The following TEAD1 variants were observed in gnomAD, a reference collection of about 807,000 sequenced individuals.
TEAD1 encodes the protein TEA domain transcription factor 1.
TEAD1 carries 9 observed loss-of-function variants against 54.9 expected under a neutral mutation model. The ratio of observed to expected loss-of-function variants is 0.16; its 90% CI spans 0.10 to 0.29. TEAD1 has a LOEUF of 0.29. TEAD1 is among the 10% of genes least tolerant of loss of function. The probability of loss-of-function intolerance (pLI) is 1.00; values close to 1 mark genes in which losing one functional copy is unlikely to be tolerated. For synonymous variants in TEAD1, 200 were observed against 187.8 expected, an observed-to-expected ratio of 1.07 and a Z score of -0.53; for missense variants, 387 against 535.9, an observed-to-expected ratio of 0.72 and a Z score of 2.74.
intron 2 of TEAD1, among the ~76,000 whole-genome samples, chr11:12,680,329 G>A (rs896130499): frequency 6.6e-6 from 1 of 152,218 alleles, no homozygotes; most frequent in Admixed American, 6.5e-5. Context: ...ACTTAGATGG[G>A]CCTTCCGACT....
intron 3 of TEAD1, among the ~76,000 whole-genome samples, chr11:12,781,972 GAAAGAAAA>G (rs1945559492): frequency 1.9e-5 from 2 of 106,496 alleles, no homozygotes; most frequent in South Asian, 3.0e-4. Flanking sequence ...AAAAAAAAAA[GAAAGAAAA>G]AAAGAAAAAG....
intron 2 of TEAD1, among the ~76,000 whole-genome samples, chr11:12,731,460 A>G (rs1053564672): frequency 3.3e-5 from 5 of 152,132 alleles, no homozygotes; most frequent in Non-Finnish European, 7.4e-5. Context: ...TGTTTTTTTA[A>G]AAAACTAAAT....
chr11:12,769,265 T>A (rs1250682645), intron 3 of TEAD1, among the ~76,000 whole-genome samples: 1 of 152,168 alleles, frequency 6.6e-6, no homozygotes, highest in Non-Finnish European at 1.5e-5. Flanking sequence ...CCTCCCCCGC[T>A]GCTGACCTGT....
intron 3 of TEAD1, among the ~76,000 whole-genome samples, chr11:12,776,804 T>G (rs1373762777): frequency 1.4e-5 from 2 of 140,422 alleles, no homozygotes; most frequent in South Asian, 2.2e-4. Flanking sequence ...TTATTATCAT[T>G]ATTATTATTT....
At chr11:12,692,898 C>G (rs1440659567) in intron 2 of TEAD1, among the ~76,000 whole-genome samples, 1 of 152,192 alleles carries the variant, frequency 6.6e-6, no homozygotes, top group African/African-American at 2.4e-5. Context: ...ACTGCTTCCT[C>G]CACCCCCACC....
intron 2 of TEAD1, among the ~76,000 whole-genome samples, chr11:12,731,364 A>G (rs1944421295): frequency 6.6e-6 from 1 of 152,218 alleles, no homozygotes; most frequent in South Asian, 2.1e-4. Context: ...CACCACTCAT[A>G]GATTATTAGT....
intron 9 of TEAD1, among the ~76,000 whole-genome samples, chr11:12,887,976 C>T (rs1589961176): frequency 6.6e-6 from 1 of 152,126 alleles, no homozygotes; most frequent in South Asian, 2.1e-4. Flanking sequence ...GCTCATTAGA[C>T]CCAAGGGGTT....
chr11:12,884,212 C>T (rs1476850759), intron 9 of TEAD1, among the ~76,000 whole-genome samples: 3 of 152,116 alleles, frequency 2.0e-5, no homozygotes, highest in Non-Finnish European at 4.4e-5. Flanking sequence ...TTCTTTCCCA[C>T]CCAACAAGCC....
intron 2 of TEAD1, among the ~76,000 whole-genome samples, chr11:12,696,292 G>A (rs1943581308): frequency 1.3e-5 from 2 of 152,210 alleles, no homozygotes; most frequent in Admixed American, 6.5e-5. Context: ...TTGGATCAAA[G>A]TGGGGCTATC....
rs753584199 is a variant in TEAD1 at position 12,879,700 on chromosome 11, C to T, written c.331-8C>T. 11 of 1,614,102 alleles carry T rather than the reference C, an allele frequency of 6.8e-6. No homozygotes were observed. Among genetic ancestry groups the T allele is most frequent in the East Asian group, 2.2e-5 (1 of 44,900 alleles). Reference sequence around the variant, plus strand: ...GTATTAAGTTGGTGTGTCACTGTCACCTTCAAGGATCAGACTGCAAAGGAT... The same window carrying T: ...GTATTAAGTTGGTGTGTCACTGTCATCTTCAAGGATCAGACTGCAAAGGAT... On this transcript the variant is annotated splice_polypyrimidine_tract_variant and splice_region_variant and intron_variant, in intron 5 of 12. Transcript: ENST00000527636.
At chr11:12,743,561 A>G (rs923632314) in intron 2 of TEAD1, among the ~76,000 whole-genome samples, 4 of 152,226 alleles carry the variant, frequency 2.6e-5, no homozygotes, top group Non-Finnish European at 5.9e-5. Context: ...TTTGTAGAGA[A>G]TAACTTAGCA....
intron 3 of TEAD1, among the ~76,000 whole-genome samples, chr11:12,854,857 A>G (rs1454552924): frequency 6.6e-6 from 1 of 151,690 alleles, no homozygotes; most frequent in African/African-American, 2.4e-5. Context: ...CAGCCTCCCA[A>G]AGTGCTTGGA....
In TEAD1 at chr11:12,818,004, A is replaced by G. The variant is rs549223846; in HGVS notation, c.203-44246A>G. ...CATGGGGTATATCTGGATGGCAAAG[A>G]AAACACTGCAGATTCTGTCTTCTTA... On this transcript the variant is annotated intron_variant, in intron 3 of 12. Coordinates refer to ENST00000527636, the MANE Select transcript of TEAD1 (RefSeq NM_021961.6). Among the ~76,000 whole-genome samples the G allele has an allele frequency of 2.0e-5, 3 of 152,384 alleles. No individual in the cohort carries two copies. In the South Asian group the frequency reaches 6.2e-4, roughly 32 times the overall value.
At chr11:12,713,622 C>A (rs1264891823) in intron 2 of TEAD1, among the ~76,000 whole-genome samples, 1 of 152,168 alleles carries the variant, frequency 6.6e-6, no homozygotes, top group East Asian at 1.9e-4. Context: ...GAAGCAGATC[C>A]TGGCAGCATT....
chr11:12,862,389 A>G (rs1391934844), intron 4 of TEAD1, 75 bp downstream of exon 4: 1 of 1,394,812 alleles, frequency 7.2e-7, no homozygotes, highest in Non-Finnish European at 1.0e-6. Flanking sequence ...GTGGCTGGCT[A>G]TGCTTTGGCT....
At chr11:12,701,742 G>C (rs1943706481) in intron 2 of TEAD1, among the ~76,000 whole-genome samples, 1 of 152,110 alleles carries the variant, frequency 6.6e-6, no homozygotes, top group South Asian at 2.1e-4. Context: ...GGAGGTGTGG[G>C]GCTCACCAGA....
At chr11:12,788,923 G>C (rs1233605927) in intron 3 of TEAD1, among the ~76,000 whole-genome samples, 1 of 152,178 alleles carries the variant, frequency 6.6e-6, no homozygotes, top group Admixed American at 6.5e-5. Flanking sequence ...TGTTTTAAGA[G>C]ATGGGGTTTA....
intron 2 of TEAD1, among the ~76,000 whole-genome samples, chr11:12,763,005 CT>C (rs1403894638): frequency 6.6e-6 from 1 of 152,192 alleles, no homozygotes; most frequent in East Asian, 1.9e-4. Context: ...CCTTGGCCTC[CT>C]CTTTTCGATC....
rs555616548 is a variant in TEAD1, at chr11:12,787,103, AG to A, written c.202+22671del. ...CTCTGAGCGGGAGTGTGATCTGATTAGGTTTTGAAAGGATCACCGGCTGCTG... is the reference window on the plus strand; with the variant it reads ...CTCTGAGCGGGAGTGTGATCTGATTAGTTTTGAAAGGATCACCGGCTGCTG... On this transcript the variant is annotated intron_variant, in intron 3 of 12. Coordinates refer to ENST00000527636, the MANE Select transcript of TEAD1 (RefSeq NM_021961.6). Among the ~76,000 whole-genome samples the A allele has an allele frequency of 2.6e-5, 4 of 152,258 alleles. No homozygotes were observed. The East Asian group carries it at 7.7e-4, about 29-fold the overall frequency.
Sources: gnomAD v4.1 joint callset for allele counts (sites outside exome capture counted in the v4.1 genomes callset) on GRCh38, gnomAD v4.1.1 for gene constraint, MANE v1.5 for transcripts, NCBI Gene and HGNC (gene_info 2026-07-23, HGNC 2026-07-21) for gene names.